Variants in CSMD1 observed in about 807,000 individuals in gnomAD.
CSMD1 encodes CUB and Sushi multiple domains 1.
In CSMD1, 213 loss-of-function variants were observed where a neutral mutation model predicts 417.5. That is an observed-to-expected ratio of 0.51 (90% confidence interval 0.46 to 0.57). CSMD1 has a LOEUF of 0.57. CSMD1 is among the 20% of genes least tolerant of loss of function. The pLI, the probability that CSMD1 is intolerant of heterozygous loss-of-function variation, is 0.00. For synonymous variants in CSMD1, 2,862 were observed against 1,736.8 expected (o/e 1.65, Z -16.11); for missense variants, 6,923 against 4,529.7 (o/e 1.53, Z -15.17).
At chr8:3,119,384 T>TAAAAAAA (rs34060531) in intron 41 of CSMD1, among the ~76,000 whole-genome samples, 8 of 88,276 alleles carry the variant, frequency 9.1e-5, no homozygotes, top group Middle Eastern at 0.012. Context: ...AGTCTTTTTC[T>TAAAAAAA]AAAAAAAAAA....
intron 10 of CSMD1, among the ~76,000 whole-genome samples, chr8:3,511,748 T>C (rs1023917159): frequency 3.3e-5 from 4 of 121,796 alleles, no homozygotes; most frequent in African/African-American, 1.0e-4. Flanking sequence ...AGAGTGAGAC[T>C]CCATCTCTAA....
chr8:3,550,408 G>A (rs1241017607), intron 10 of CSMD1, among the ~76,000 whole-genome samples: 3 of 152,084 alleles, frequency 2.0e-5, no homozygotes, highest in Non-Finnish European at 4.4e-5. Context: ...AACCTCCAAG[G>A]CATGGCTCAG....
At chr8:4,228,770 G>T (rs1440108074) in intron 3 of CSMD1, among the ~76,000 whole-genome samples, 1 of 151,908 alleles carries the variant, frequency 6.6e-6, no homozygotes, top group East Asian at 1.9e-4. Flanking sequence ...TGCAACCTCT[G>T]CCTCCTGGGT....
intron 5 of CSMD1, among the ~76,000 whole-genome samples, chr8:3,903,405 G>C (rs533673888): frequency 1.3e-5 from 2 of 151,976 alleles, no homozygotes; most frequent in Middle Eastern, 3.2e-3. Flanking sequence ...GCTTTCCAAT[G>C]CCAGAGCATT....
intron 16 of CSMD1, among the ~76,000 whole-genome samples, chr8:3,397,601 T>C (rs1811780783): frequency 6.6e-6 from 1 of 152,210 alleles, no homozygotes; most frequent in Admixed American, 6.5e-5. Context: ...ATGACACTAT[T>C]CTAAATCTTT....
chr8:3,411,187 G>C (rs1192250027), intron 12 of CSMD1, among the ~76,000 whole-genome samples: 1 of 152,184 alleles, frequency 6.6e-6, no homozygotes, highest in South Asian at 2.1e-4. Context: ...TGGAAGAGCA[G>C]AGGCAGGTGA....
chr8:4,951,056 A>G (rs1362647440), intron 1 of CSMD1, among the ~76,000 whole-genome samples: 1 of 152,210 alleles, frequency 6.6e-6, no homozygotes, highest in Non-Finnish European at 1.5e-5. Context: ...AGTAGCTTCA[A>G]CAAATACAAA....
At chr8:3,458,121 T>G (rs1183138071) in intron 12 of CSMD1, among the ~76,000 whole-genome samples, 1 of 152,204 alleles carries the variant, frequency 6.6e-6, no homozygotes, top group East Asian at 1.9e-4. Flanking sequence ...AACCTCCGTG[T>G]CATTTCCACT....
chr8:3,893,339 T>TATATATATATATATATATATATATATATA (rs1807113679), intron 5 of CSMD1, among the ~76,000 whole-genome samples: 1 of 80,440 alleles, frequency 1.2e-5, no homozygotes, highest in Non-Finnish European at 2.8e-5. Context: ...ATTCACAATT[T>TATATATATATATATATATATATATATATA]TATATATATA....
chr8:3,838,020 T>C (rs1006776939), intron 5 of CSMD1, among the ~76,000 whole-genome samples: 9 of 152,104 alleles, frequency 5.9e-5, no homozygotes, highest in Admixed American at 2.0e-4. Context: ...CAACTAATTA[T>C]CATAAATAAA....
intron 1 of CSMD1, among the ~76,000 whole-genome samples, chr8:4,728,353 T>C (rs1429457425): frequency 6.6e-6 from 1 of 151,976 alleles, no homozygotes; most frequent in Non-Finnish European, 1.5e-5. Context: ...GCTTAAGTAA[T>C]TTGGTCCTCA....
chr8:3,080,640 C>T (rs1042878630), intron 49 of CSMD1, among the ~76,000 whole-genome samples: 9 of 152,164 alleles, frequency 5.9e-5, no homozygotes, highest in African/African-American at 1.4e-4. Context: ...CCCCACAATT[C>T]GGGATGGGTT....
At chr8:4,227,675 C>T (rs935715770) in intron 3 of CSMD1, among the ~76,000 whole-genome samples, 2 of 152,044 alleles carry the variant, frequency 1.3e-5, no homozygotes, top group Admixed American at 6.6e-5. Flanking sequence ...GCAGACACAG[C>T]CTCCATCCTA....
At chr8:4,196,654 G>A (rs60075155) in intron 3 of CSMD1, among the ~76,000 whole-genome samples, 6,952 of 152,156 alleles carry the variant, frequency 0.046, 525 homozygotes, top group African/African-American at 0.16. Context: ...TTGAATCTTT[G>A]TGACCCATTC....
intron 3 of CSMD1, among the ~76,000 whole-genome samples, chr8:4,261,892 A>G (rs1316512556): frequency 6.6e-6 from 1 of 152,218 alleles, no homozygotes; most frequent in South Asian, 2.1e-4. Context: ...TAAAAAGTAG[A>G]TGTGGAACTT....
chr8:4,008,411 A>G (rs1279397382), intron 4 of CSMD1, among the ~76,000 whole-genome samples: 2 of 151,606 alleles, frequency 1.3e-5, no homozygotes, highest in African/African-American at 4.8e-5. Context: ...TATGTATTAT[A>G]TAATTTTTTT....
intron 17 of CSMD1, among the ~76,000 whole-genome samples, chr8:3,392,021 C>G (rs1468435696): frequency 6.7e-6 from 1 of 149,920 alleles, no homozygotes; most frequent in Non-Finnish European, 1.5e-5. Flanking sequence ...AAACCAAACA[C>G]CTCATGTTCT....
At chr8:4,826,946 G>T (rs1799866545) in intron 1 of CSMD1, among the ~76,000 whole-genome samples, 2 of 152,112 alleles carry the variant, frequency 1.3e-5, no homozygotes, top group African/African-American at 4.8e-5. Context: ...TCACCCTTGA[G>T]TGTAAGTTTG....
intron 18 of CSMD1, among the ~76,000 whole-genome samples, chr8:3,374,091 T>C (rs1264038903): frequency 3.3e-5 from 5 of 152,054 alleles, no homozygotes; most frequent in Non-Finnish European, 5.9e-5. Context: ...TAGCTGGGAT[T>C]ACACACATGT....
Sources: allele counts gnomAD v4.1 joint callset (sites outside exome capture counted in the v4.1 genomes callset), GRCh38; gene constraint gnomAD v4.1.1; transcripts MANE v1.5; gene names NCBI Gene and HGNC (gene_info 2026-07-23, HGNC 2026-07-21).